The following ZFHX3 variants were observed in gnomAD, a reference collection of about 807,000 sequenced individuals.
ZFHX3 encodes zinc finger homeobox 3, also known as zinc finger homeobox protein 3.
Under a neutral mutation model 279.1 loss-of-function variants are expected in ZFHX3, and 42 were observed. The observed-to-expected ratio is 0.15, with a 90% CI of 0.12 to 0.19. The LOEUF is 0.19. Among genes scored for constraint, ZFHX3 ranks in the 10% least tolerant of loss-of-function variants. The pLI, the probability that ZFHX3 is intolerant of heterozygous loss-of-function variation, is 1.00. For synonymous variants in ZFHX3, 2,293 were observed against 1,957.8 expected (o/e 1.17, Z -4.52); for missense variants, 4,981 against 4,754.0 (o/e 1.05, Z -1.40).
At chr16:72,887,316 C>T (rs755456660) in intron 4 of ZFHX3, among the ~76,000 whole-genome samples, 1 of 151,934 alleles carries the variant, frequency 6.6e-6, no homozygotes, top group African/African-American at 2.4e-5. Flanking sequence ...GAGTAAGGTT[C>T]GCCATGAATT....
intron 5 of ZFHX3, among the ~76,000 whole-genome samples, chr16:73,216,885 G>T (rs900509145): frequency 6.6e-6 from 1 of 152,142 alleles, no homozygotes; most frequent in African/African-American, 2.4e-5. Context: ...CCTGAACAAC[G>T]GTCTGGGTTT....
At chr16:73,646,369 A>C (rs910026346) in intron 2 of ZFHX3, among the ~76,000 whole-genome samples, 1 of 152,208 alleles carries the variant, frequency 6.6e-6, no homozygotes, top group Non-Finnish European at 1.5e-5. Context: ...AATGATACAC[A>C]GATCAAAATT....
intron 2 of ZFHX3, among the ~76,000 whole-genome samples, chr16:73,643,502 T>G (rs1195801922): frequency 6.6e-6 from 1 of 152,230 alleles, no homozygotes; most frequent in African/African-American, 2.4e-5. Context: ...AGCACACCTT[T>G]TAAAAAATGC....
chr16:73,162,665 G>A (rs535534724), intron 5 of ZFHX3, among the ~76,000 whole-genome samples: 2 of 152,264 alleles, frequency 1.3e-5, no homozygotes, highest in African/African-American at 4.8e-5. Flanking sequence ...GTTTCACCAT[G>A]TTGCCCAGGC....
intron 3 of ZFHX3, among the ~76,000 whole-genome samples, chr16:72,910,602 A>C (rs1224324430): frequency 6.6e-6 from 1 of 152,214 alleles, no homozygotes; most frequent in African/African-American, 2.4e-5. Flanking sequence ...GCAGCGTGGC[A>C]GATGGCTTTC....
Position 72,788,667 on chromosome 16 carries a change from CTGCTGCTGCTGCTGCTGCTGGGGGGGT to C in ZFHX3, c.9582_9608del (p.Pro3195_Gln3203del). 6.6e-7 allele frequency: 1 copy of C among 1,507,140 alleles called. No individual in the cohort carries two copies. Among genetic ancestry groups the C allele is most frequent in the Non-Finnish European group, 9.1e-7 (1 of 1,102,282 alleles). The allele number at this position is 1,507,140 out of a possible 1,614,324, so 93.4% of individuals were successfully genotyped here. A position where few individuals can be genotyped will look rare whatever the true frequency, so the allele number is the denominator to read the frequency against. The stretch of plus-strand genomic sequence containing the variant: ...GGGGAGGCTGCTGCACCTGTGGTTG[CTGCTGCTGCTGCTGCTGCTGGGGGGGT>C]TGCTGAGGGCCCATCGCCATCGTGG... On this transcript the variant is annotated inframe_deletion, in exon 10 of 10. Coordinates refer to ENST00000268489, the MANE Select transcript of ZFHX3 (RefSeq NM_006885.4).
At chr16:73,718,181 G>A (rs995018530) in intron 1 of ZFHX3, among the ~76,000 whole-genome samples, 4 of 152,150 alleles carry the variant, frequency 2.6e-5, no homozygotes, top group East Asian at 1.9e-4. Context: ...GAAGCCAAAG[G>A]GGGTAGATGA....
rs1555510772 is a variant in ZFHX3 at position 73,334,810 on chromosome 16, C to CCTTTTTTTTTTTT, written c.-1290-16475_-1290-16474insAAAAAAAAAAAAG. Among the ~76,000 whole-genome samples the CCTTTTTTTTTTTT allele has an allele frequency of 4.1e-4, 24 of 57,916 alleles. 4 individuals carry two copies. The highest frequency in any genetic ancestry group is 1.2e-3 in the African/African-American group (21 of 17,374). The allele number at this position is 57,916 out of a possible 152,430, so 38.0% of individuals were successfully genotyped here. ...TCTTTTCCTCCTTTTCTTTCTCATT[C>CCTTTTTTTTTTTT]TTTTTTTTTTTTTTTTTTTTTTTTT... On this transcript the variant is annotated intron_variant, in intron 3 of 17. Transcript: ENST00000641206.
chr16:73,666,439 T>C (rs2052843175), intron 2 of ZFHX3, among the ~76,000 whole-genome samples: 1 of 151,886 alleles, frequency 6.6e-6, no homozygotes, highest in South Asian at 2.1e-4. Context: ...TCCACAAAAA[T>C]ACTAAGGGAG....
At chr16:73,325,918 C>CACCA (rs2015674712) in intron 3 of ZFHX3, among the ~76,000 whole-genome samples, 1 of 66,620 alleles carries the variant, frequency 1.5e-5, no homozygotes, top group Non-Finnish European at 4.3e-5. Context: ...CACACACACA[C>CACCA]ACACACACAA....
intron 1 of ZFHX3, among the ~76,000 whole-genome samples, chr16:73,851,410 G>A (rs1474089547): frequency 6.6e-6 from 1 of 152,138 alleles, no homozygotes. Flanking sequence ...CTATTTCCTT[G>A]GAAAGCATAC....
At chr16:72,970,141 GGA>G (rs1962039061) in intron 1 of ZFHX3, among the ~76,000 whole-genome samples, 1 of 152,160 alleles carries the variant, frequency 6.6e-6, no homozygotes, top group African/African-American at 2.4e-5. Flanking sequence ...GAGGGCAACA[GGA>G]GAGAGTCGTG....
chr16:73,720,530 T>G (rs1266074854), intron 1 of ZFHX3, among the ~76,000 whole-genome samples: 1 of 152,226 alleles, frequency 6.6e-6, no homozygotes, highest in African/African-American at 2.4e-5. Flanking sequence ...TATTTATTGA[T>G]GCAGGAAAAT....
At chr16:72,975,046 G>A (rs1431669080) in intron 1 of ZFHX3, among the ~76,000 whole-genome samples, 1 of 152,146 alleles carries the variant, frequency 6.6e-6, no homozygotes. Context: ...CCGGCAGCAA[G>A]AACTACCACC....
At chr16:72,809,642 A>T (rs1301693616) in intron 7 of ZFHX3, 2 of 152,188 alleles carry the variant, frequency 1.3e-5, no homozygotes, top group Non-Finnish European at 2.9e-5. Context: ...TCATGACTAA[A>T]CATCACTTAC....
At chr16:73,394,501 T>A (rs2017088076) in intron 3 of ZFHX3, among the ~76,000 whole-genome samples, 1 of 152,132 alleles carries the variant, frequency 6.6e-6, no homozygotes, top group African/African-American at 2.4e-5. Context: ...ATCATCATGT[T>A]GACCAGGCTG....
intron 6 of ZFHX3, among the ~76,000 whole-genome samples, chr16:73,135,767 T>G (rs1000814346): frequency 2.0e-5 from 3 of 152,200 alleles, no homozygotes; most frequent in African/African-American, 7.2e-5. Flanking sequence ...TCAACTAAAG[T>G]TGAGTAGCAG....
At chr16:73,873,961 G>GA (rs892666587) in intron 1 of ZFHX3, among the ~76,000 whole-genome samples, 5 of 149,866 alleles carry the variant, frequency 3.3e-5, no homozygotes, top group Admixed American at 1.3e-4. Context: ...GTCAGGAGAG[G>GA]AAAAAAAAGT....
chr16:73,047,246 A>G (rs990116018), intron 1 of ZFHX3, among the ~76,000 whole-genome samples: 3 of 152,138 alleles, frequency 2.0e-5, no homozygotes, highest in African/African-American at 7.2e-5. Flanking sequence ...AAGGAAATAA[A>G]TGCTCTGACT....
Sources: gnomAD v4.1 joint callset for allele counts (sites outside exome capture counted in the v4.1 genomes callset) on GRCh38, gnomAD v4.1.1 for gene constraint, MANE v1.5 for transcripts, NCBI Gene and HGNC (gene_info 2026-07-23, HGNC 2026-07-21) for gene names.